Variants in ATAD3B observed in about 807,000 individuals in gnomAD.
ATAD3B encodes ATPase family AAA domain-containing protein 3B.
Under a neutral mutation model 70.2 loss-of-function variants are expected in ATAD3B, and 59 were observed. That is an observed-to-expected ratio of 0.84 (90% CI 0.68 to 1.04). The LOEUF (loss-of-function observed/expected upper bound fraction) is 1.04. Ranked by LOEUF, ATAD3B falls within the 50% of genes least tolerant of loss-of-function variation. The pLI, the probability that ATAD3B is intolerant of heterozygous loss-of-function variation, is 0.00. For missense variants in ATAD3B, 961 were observed against 913.4 expected (o/e 1.05, Z -0.67); for synonymous variants, 423 against 388.6 (o/e 1.09, Z -1.04).
At chr1:1,477,009 G>A (rs774347648) in intron 1 of ATAD3B, among the ~76,000 whole-genome samples, 9 of 151,906 alleles carry the variant, frequency 5.9e-5, no homozygotes, top group Non-Finnish European at 7.4e-5. Context: ...ATTTCGCCAT[G>A]TTGGCCAGGT....
chr1:1,475,339 T>A (rs1421786004), intron 1 of ATAD3B, among the ~76,000 whole-genome samples: 1 of 151,300 alleles, frequency 6.6e-6, no homozygotes. Flanking sequence ...TTCTCCGGAG[T>A]TGACTGCCCC....
chr1:1,477,344 G>C lies in ATAD3B; in HGVS notation c.276G>C (p.Lys92Asn), dbSNP rs1362370969. The C allele has an allele frequency of 6.2e-7, 1 of 1,612,174 alleles. No homozygotes were observed. Among genetic ancestry groups the C allele is most frequent in the Non-Finnish European group, 8.5e-7 (1 of 1,179,690 alleles). The change falls in exon 2 of 16, where the codon AAG becomes AAC. Residue 92 changes from lysine (K) to asparagine (N), a missense_variant. This residue lies in a region of ATAD3B where 187 missense variants were observed against 244.3 expected (regional missense o/e 0.77). Transcript: ENST00000673477. ...EQTLQLEQQS[K>N]LKEYEAAVEQ... ...CGCTGCAGTTGGAGCAACAGTCCAA[G>C]CTCAAAGTGAGTGGGGCCGGTGTGG...
chr1:1,486,178 G>A lies in ATAD3B; in HGVS notation c.1032G>A (p.Leu344=). ...ATRNTKKNRG[L]YRHILLYGPP... ...GGAACACCAAGAAGAACCGGGGCCT[G>A]TACAGGCACATCCTGCTGTATGGGC... Residue 344 remains leucine, a synonymous_variant, in exon 10 of 16, where the codon CTG becomes CTA. Transcript: ENST00000673477. 6.2e-7 allele frequency: 1 copy of A among 1,613,276 alleles called. No homozygotes were observed. Among genetic ancestry groups the A allele is most frequent in the Non-Finnish European group, 8.5e-7 (1 of 1,179,666 alleles).
At chr1:1,489,862 C>G in intron 13 of ATAD3B, 1 of 1,218,622 alleles carries the variant, frequency 8.2e-7, no homozygotes, top group Non-Finnish European at 1.0e-6. Flanking sequence ...CTGCTGAACC[C>G]GGGCCCCCGA....
chr1:1,503,855 G>A, the ATAD3B span, among the ~76,000 whole-genome samples: 2 of 152,080 alleles, frequency 1.3e-5, no homozygotes, highest in African/African-American at 2.4e-5. Flanking sequence ...AGAGCCTCCC[G>A]AGAGGGAGGG....
chr1:1,499,193 G>C (rs900365065), downstream of ATAD3B, among the ~76,000 whole-genome samples: 1 of 149,296 alleles, frequency 6.7e-6, no homozygotes, highest in Admixed American at 6.7e-5. Context: ...GGATGGTCTC[G>C]ATCTCCTGAC....
rs920475145 is a variant in ATAD3B at position 1,496,550 on chromosome 1, AGTCGGCCACTGCAGCCTCGGTCCTGGGT to A, written c.*735_*762del. 3.9e-5 allele frequency: 6 copies of A among 152,092 alleles called. No individual in the cohort carries two copies. The highest frequency in any genetic ancestry group is 1.5e-4 in the African/African-American group (6 of 41,318). 9.4% of individuals were successfully genotyped at this position (152,092 alleles called of 1,614,324 possible). A position where few individuals can be genotyped will look rare whatever the true frequency, so the allele number is the denominator to read the frequency against. On this transcript the variant is annotated 3_prime_UTR_variant, in exon 16 of 16. Transcript: ENST00000673477. ...CAGGCATCGTCCATGGAAGACACGC[AGTCGGCCACTGCAGCCTCGGTCCTGGGT>A]GCCCTGGGGCTGGGTCACTGGGGGC...
At chr1:1,504,720 G>T in the ATAD3B span, among the ~76,000 whole-genome samples, 4 of 152,254 alleles carry the variant, frequency 2.6e-5, no homozygotes, top group South Asian at 8.3e-4. Flanking sequence ...ACTGGGGCGT[G>T]TGTGCCCACA....
intron 11 of ATAD3B, among the ~76,000 whole-genome samples, chr1:1,487,577 G>A (rs1440589134): frequency 6.6e-6 from 1 of 151,808 alleles, no homozygotes; most frequent in African/African-American, 2.4e-5. Flanking sequence ...GGCGGAGGCT[G>A]TTGCCCCATG....
chr1:1,474,963 C>T (rs1222138150), intron 1 of ATAD3B, among the ~76,000 whole-genome samples: 3 of 149,384 alleles, frequency 2.0e-5, no homozygotes, highest in East Asian at 1.9e-4. Flanking sequence ...GCTAACTTCA[C>T]TTAGAGATTG....
intron 1 of ATAD3B, among the ~76,000 whole-genome samples, chr1:1,472,552 C>T (rs893372957): frequency 6.6e-6 from 1 of 151,984 alleles, no homozygotes; most frequent in African/African-American, 2.4e-5. Context: ...ATTTGCACTT[C>T]TTGTTGGAAG....
At chr1:1,503,149 G>A in the ATAD3B span, 8 of 159,058 alleles carry the variant, frequency 5.0e-5, no homozygotes, top group Non-Finnish European at 1.1e-4. Context: ...GCACGAACCC[G>A]AGAGGTGGAG....
At chr1:1,498,164 A>C (rs1640848190), downstream of ATAD3B, among the ~76,000 whole-genome samples, 2 of 151,882 alleles carry the variant, frequency 1.3e-5, no homozygotes, top group East Asian at 1.9e-4. Context: ...GTTAGCCGGC[A>C]TGGTGGTAGG....
At chr1:1,482,805 G>T in intron 7 of ATAD3B, 191 bp downstream of exon 7, 1 of 814,182 alleles carries the variant, frequency 1.2e-6, no homozygotes, top group Non-Finnish European at 2.0e-6. Flanking sequence ...AAATGCAGTT[G>T]CCAGCCTGGG....
intron 13 of ATAD3B, chr1:1,489,498 G>C (rs918383040): frequency 4.0e-6 from 4 of 1,002,374 alleles, no homozygotes; most frequent in Non-Finnish European, 5.8e-6. Context: ...CTGTCTTCAC[G>C]GCCCTGTGCG....
At chr1:1,501,530 C>T (rs1262630099), downstream of ATAD3B, among the ~76,000 whole-genome samples, 1 of 152,040 alleles carries the variant, frequency 6.6e-6, no homozygotes, top group Non-Finnish European at 1.5e-5. Flanking sequence ...GCTGGAATTA[C>T]AGGCGTGAGC....
At chr1:1,487,192 T>C (rs1248147507) in intron 11 of ATAD3B, among the ~76,000 whole-genome samples, 2 of 151,960 alleles carry the variant, frequency 1.3e-5, no homozygotes, top group Non-Finnish European at 2.9e-5. Context: ...CCTTTCACTT[T>C]AGAAGACCTG....
intron 1 of ATAD3B, among the ~76,000 whole-genome samples, chr1:1,472,440 C>T (rs1202785691): frequency 2.0e-5 from 3 of 151,946 alleles, no homozygotes; most frequent in Non-Finnish European, 4.4e-5. Context: ...CAGGCCAAGG[C>T]GTGGCCAGAT....
At position 1,490,263 on chromosome 1, in the gene ATAD3B, G is replaced by T; in HGVS notation, c.1344G>T (p.Met448Ile). The T allele has an allele frequency of 6.2e-7, 1 of 1,612,490 alleles. No homozygotes were observed. The highest frequency in any genetic ancestry group is 8.5e-7 in the Non-Finnish European group (1 of 1,179,282). ...YHMGQHSNKF[M>I]LVLASNLPEQ... ...CCCCATCCCTGTCCTACAGATTCAT[G>T]CTGGTCCTGGCCAGCAATCTGCCTG... Residue 448 changes from methionine (M) to isoleucine (I), a missense_variant, in exon 14 of 16, where the codon ATG (methionine) becomes ATT (isoleucine). Met to Ile is a conservative substitution (Grantham distance 10). Coordinates refer to ENST00000673477, the MANE Select transcript of ATAD3B (RefSeq NM_031921.6).
Sources: gnomAD v4.1 joint callset for allele counts (sites outside exome capture counted in the v4.1 genomes callset) on GRCh38, gnomAD v4.1.1 for gene constraint, gnomAD v4.1.1 regional missense constraint, MANE v1.5 for transcripts, NCBI Gene and HGNC (gene_info 2026-07-23, HGNC 2026-07-21) for gene names.